The following TLK1 variants were observed in gnomAD, a reference collection of about 807,000 sequenced individuals.
TLK1 encodes the protein tousled like kinase 1, also known as serine/threonine-protein kinase tousled-like 1.
Under a neutral mutation model 105.3 loss-of-function variants are expected in TLK1, and 24 were observed. The ratio of observed to expected loss-of-function variants is 0.23; its 90% confidence interval spans 0.17 to 0.32. The LOEUF is 0.32. Ranked by LOEUF, TLK1 falls within the 10% of genes least tolerant of loss-of-function variation. TLK1 has a pLI of 1.00. For synonymous variants in TLK1, 321 were observed against 310.4 expected, an observed-to-expected ratio of 1.03 and a Z score of -0.36; for missense variants, 558 against 910.5, an observed-to-expected ratio of 0.61 and a Z score of 4.98.
intron 1 of TLK1, among the ~76,000 whole-genome samples, chr2:171,123,090 CTTT>C (rs1211783133): frequency 8.9e-5 from 10 of 112,862 alleles, no homozygotes; most frequent in Admixed American, 7.0e-4. Context: ...ACACACACTT[CTTT>C]TTTTAATAAA....
chr2:171,022,364 T>C (rs144222264), intron 12 of TLK1, among the ~76,000 whole-genome samples: 2 of 151,826 alleles, frequency 1.3e-5, no homozygotes, highest in African/African-American at 2.4e-5. Flanking sequence ...AAATGGAAAA[T>C]AGTAGTAAGC....
At chr2:171,058,482 C>G (rs908693981) in intron 4 of TLK1, among the ~76,000 whole-genome samples, 2 of 152,002 alleles carry the variant, frequency 1.3e-5, no homozygotes, top group Non-Finnish European at 2.9e-5. Context: ...CACTGACAAA[C>G]TAACCTTTAC....
At chr2:171,211,868 C>CATT (rs1205073005) in intron 1 of TLK1, among the ~76,000 whole-genome samples, 2 of 131,016 alleles carry the variant, frequency 1.5e-5, no homozygotes, top group African/African-American at 2.9e-5. Flanking sequence ...TTTTTCAAGA[C>CATT]AGAGTCTCAC....
intron 13 of TLK1, 108 bp from the exon 14 acceptor site, chr2:171,011,562 T>C (rs1050140532): frequency 3.6e-6 from 3 of 840,782 alleles, no homozygotes; most frequent in Non-Finnish European, 5.4e-6. Context: ...ATTTCTCAGT[T>C]ACTCCACTGC....
At chr2:171,017,104 T>C (rs866622557) in intron 12 of TLK1, among the ~76,000 whole-genome samples, 14 of 152,262 alleles carry the variant, frequency 9.2e-5, no homozygotes, top group South Asian at 6.2e-4. Context: ...AGGAAGTAAA[T>C]TTTAAAGCTT....
At chr2:171,022,086 AACAC>A (rs557803785) in intron 12 of TLK1, among the ~76,000 whole-genome samples, 60 of 103,098 alleles carry the variant, frequency 5.8e-4, no homozygotes, top group African/African-American at 1.6e-3. Flanking sequence ...CTGGGCGAAA[AACAC>A]ACACACACAC....
intron 1 of TLK1, among the ~76,000 whole-genome samples, chr2:171,220,203 A>T (rs538847048): frequency 6.6e-6 from 1 of 152,328 alleles, no homozygotes; most frequent in East Asian, 1.9e-4. Context: ...TAACATTTAC[A>T]GGTTCTGGGA....
At chr2:171,155,937 T>C (rs183868301) in intron 1 of TLK1, among the ~76,000 whole-genome samples, 2 of 152,336 alleles carry the variant, frequency 1.3e-5, no homozygotes, top group East Asian at 3.9e-4. Flanking sequence ...TCCTATTTAC[T>C]GAAATCCAAG....
At chr2:171,126,368 T>A (rs1232736685) in intron 1 of TLK1, among the ~76,000 whole-genome samples, 1 of 152,140 alleles carries the variant, frequency 6.6e-6, no homozygotes, top group Non-Finnish European at 1.5e-5. Context: ...ACACACACTC[T>A]CATAAACTCA....
chr2:171,174,960 A>C (rs1421757594), intron 1 of TLK1, among the ~76,000 whole-genome samples: 1 of 152,160 alleles, frequency 6.6e-6, no homozygotes, highest in Non-Finnish European at 1.5e-5. Flanking sequence ...AGTACAATCA[A>C]GGCTGGGTGA....
chr2:171,145,497 G>A (rs1330170251), intron 1 of TLK1, among the ~76,000 whole-genome samples: 2 of 151,954 alleles, frequency 1.3e-5, no homozygotes, highest in Non-Finnish European at 2.9e-5. Flanking sequence ...GGCTGAGGCA[G>A]GAGAATCATT....
intron 11 of TLK1, chr2:171,045,543 G>GT (rs1195562228): frequency 6.6e-6 from 1 of 151,978 alleles, no homozygotes; most frequent in Non-Finnish European, 1.5e-5. Context: ...GTGAGTTTAC[G>GT]TAAGTTCTTC....
At position 170,997,839 on chromosome 2, in the gene TLK1, G is replaced by A. The variant is rs767440503; in HGVS notation, c.1905-16C>T. On this transcript the variant is annotated splice_polypyrimidine_tract_variant and intron_variant, in intron 18 of 20. Coordinates refer to ENST00000431350, the MANE Select transcript of TLK1 (RefSeq NM_012290.5). ...AGGTAAATACCTGTAAGTTTTGTGG[G>A]AGAGAAAAAAGGTTACTACTGACAA... The A allele has an allele frequency of 5.3e-6, 8 of 1,515,794 alleles. No individual in the cohort carries two copies. In the South Asian group the frequency reaches 7.5e-5, roughly 14 times the overall value. 93.9% of individuals were successfully genotyped at this position (1,515,794 alleles called of 1,614,324 possible). A position where few individuals can be genotyped will look rare whatever the true frequency, so the allele number is the denominator to read the frequency against.
chr2:171,163,133 T>G (rs1431391073), upstream of TLK1, among the ~76,000 whole-genome samples: 3 of 152,254 alleles, frequency 2.0e-5, no homozygotes, highest in African/African-American at 7.2e-5. Flanking sequence ...TTTGAGAGAT[T>G]CGTCCACATT....
chr2:171,034,465 CTAA>C (rs1686220246), intron 11 of TLK1, among the ~76,000 whole-genome samples: 1 of 152,140 alleles, frequency 6.6e-6, no homozygotes, highest in African/African-American at 2.4e-5. Context: ...AAAACTTATA[CTAA>C]GTAAAAGCCA....
At chr2:171,126,942 G>GT (rs562036633) in intron 1 of TLK1, among the ~76,000 whole-genome samples, 4 of 151,116 alleles carry the variant, frequency 2.6e-5, no homozygotes, top group South Asian at 2.1e-4. Context: ...CTTTTCATTA[G>GT]TTTTTTTTAA....
chr2:171,078,950 AG>A (rs1229688200), intron 3 of TLK1, among the ~76,000 whole-genome samples: 1 of 152,198 alleles, frequency 6.6e-6, no homozygotes, highest in East Asian at 1.9e-4. Context: ...CTCTACCTGA[AG>A]TCCAAATTCT....
chr2:171,066,750 C>T, intron 3 of TLK1: 6 of 1,320,044 alleles, frequency 4.5e-6, no homozygotes, highest in South Asian at 1.5e-5. Context: ...GGCACTTTCC[C>T]TTCTCTGGCT....
At chr2:171,197,035 G>A (rs963085798) in intron 1 of TLK1, among the ~76,000 whole-genome samples, 1 of 152,126 alleles carries the variant, frequency 6.6e-6, no homozygotes, top group Admixed American at 6.6e-5. Flanking sequence ...TTTCCTCCTG[G>A]AAGCAGGAGA....
Sources: gnomAD v4.1 joint callset for allele counts (sites outside exome capture counted in the v4.1 genomes callset) on GRCh38, gnomAD v4.1.1 for gene constraint, MANE v1.5 for transcripts, NCBI Gene and HGNC (gene_info 2026-07-23, HGNC 2026-07-21) for gene names.